SDK1: variants seen among roughly 807,000 people sequenced by gnomAD.
SDK1 encodes the protein sidekick cell adhesion molecule 1, also known as protein sidekick-1.
In SDK1, 157 loss-of-function variants were observed where a neutral mutation model predicts 245.5. That is an observed-to-expected ratio of 0.64 (90% CI 0.56 to 0.73). The LOEUF is 0.73. SDK1 is among the 30% of genes least tolerant of loss of function. SDK1 has a pLI of 0.00. For synonymous variants in SDK1, 1,647 were observed against 1,278.5 expected (o/e 1.29, Z -6.15); for missense variants, 3,583 against 3,002.3 (o/e 1.19, Z -4.52).
intron 4 of SDK1, among the ~76,000 whole-genome samples, chr7:3,648,881 C>G (rs1219992629): frequency 6.6e-6 from 1 of 152,180 alleles, no homozygotes; most frequent in African/African-American, 2.4e-5. Flanking sequence ...CCCTTTGCCT[C>G]CATTTTGCCA....
intron 4 of SDK1, among the ~76,000 whole-genome samples, chr7:3,764,984 A>G (rs1392810168): frequency 6.6e-6 from 1 of 152,178 alleles, no homozygotes; most frequent in Non-Finnish European, 1.5e-5. Flanking sequence ...TTTTTAATGA[A>G]TTATGAATCT....
chr7:3,982,798 C>A (rs1041332488), intron 13 of SDK1, among the ~76,000 whole-genome samples: 1 of 151,854 alleles, frequency 6.6e-6, no homozygotes, highest in Non-Finnish European at 1.5e-5. Context: ...TGAGATCGTG[C>A]CACTGCACTC....
intron 5 of SDK1, among the ~76,000 whole-genome samples, chr7:3,891,203 G>A (rs1781449899): frequency 6.6e-6 from 1 of 152,186 alleles, no homozygotes; most frequent in African/African-American, 2.4e-5. Context: ...CTAGTGTCCT[G>A]CTGGGCAAAT....
At chr7:4,149,718 G>A (rs1780227160) in intron 30 of SDK1, among the ~76,000 whole-genome samples, 1 of 152,160 alleles carries the variant, frequency 6.6e-6, no homozygotes, top group Non-Finnish European at 1.5e-5. Context: ...GGTCACCCCA[G>A]GACCCAGGGA....
At chr7:3,792,495 C>T (rs1562446827) in intron 4 of SDK1, among the ~76,000 whole-genome samples, 2 of 152,344 alleles carry the variant, frequency 1.3e-5, no homozygotes, top group African/African-American at 4.8e-5. Flanking sequence ...GAAAACTAAC[C>T]TGTGTCATTC....
At chr7:3,539,574 C>G (rs1242564240) in intron 1 of SDK1, among the ~76,000 whole-genome samples, 3 of 152,118 alleles carry the variant, frequency 2.0e-5, no homozygotes, top group African/African-American at 7.2e-5. Flanking sequence ...ATGGACTTGC[C>G]TGGCTCATTA....
At chr7:3,901,791 T>G (rs1021753991) in intron 5 of SDK1, among the ~76,000 whole-genome samples, 4 of 152,238 alleles carry the variant, frequency 2.6e-5, no homozygotes, top group Admixed American at 6.5e-5. Flanking sequence ...TAGGTTAGTC[T>G]TCTTCTGTAA....
At chr7:4,252,259 C>A (rs1192784755) in intron 44 of SDK1, among the ~76,000 whole-genome samples, 1 of 149,776 alleles carries the variant, frequency 6.7e-6, no homozygotes, top group Admixed American at 6.7e-5. Context: ...TTCCTGTGTC[C>A]ATGTGTGCTC....
chr7:4,228,298 A>G (rs1046051814), intron 40 of SDK1, among the ~76,000 whole-genome samples: 3 of 144,384 alleles, frequency 2.1e-5, no homozygotes, highest in South Asian at 4.4e-4. Flanking sequence ...TCGGGCAGCC[A>G]GGAATGAAAG....
In SDK1 at chr7:4,103,569, A is replaced by G. The variant is rs80105951; in HGVS notation, c.3325-7094A>G. Among the ~76,000 whole-genome samples, 286 of 152,320 alleles carry G rather than the reference A, an allele frequency of 1.9e-3. 3 individuals are homozygous for G. Among genetic ancestry groups the G allele is most frequent in the African/African-American group, 6.7e-3 (278 of 41,566 alleles). Reference sequence around the variant, plus strand: ...GCTAAGTGTAGTTACATTTTTGGTGATCATCTGTTTTGGAGCTCCGTGTAA... The same window carrying G: ...GCTAAGTGTAGTTACATTTTTGGTGGTCATCTGTTTTGGAGCTCCGTGTAA... On this transcript the variant is annotated intron_variant, in intron 22 of 44. Transcript: ENST00000404826.
chr7:4,111,424 G>A (rs566729630), intron 23 of SDK1, among the ~76,000 whole-genome samples: 2 of 152,092 alleles, frequency 1.3e-5, no homozygotes, highest in Admixed American at 6.5e-5. Context: ...CATTTCATAC[G>A]ATTGGAGAAT....
Position 3,654,924 on chromosome 7 carries a change from A to G in SDK1, c.713+12819A>G, listed in dbSNP as rs1231509500. On this transcript the variant is annotated intron_variant, in intron 4 of 44. Transcript: ENST00000404826. The stretch of plus-strand genomic sequence containing the variant: ...ATTATACATCTGAAGTCAGTTGCAC[A>G]TAATTGCAGTTCACCAACTCTACAT... 2.0e-5 allele frequency among the ~76,000 whole-genome samples: 3 copies of G among 152,226 alleles called. 1 individual carries two copies. Among genetic ancestry groups the G allele is most frequent in the Non-Finnish European group, 4.4e-5 (3 of 68,040 alleles).
At chr7:3,982,359 C>T (rs1783474648) in intron 13 of SDK1, among the ~76,000 whole-genome samples, 1 of 152,166 alleles carries the variant, frequency 6.6e-6, no homozygotes, top group South Asian at 2.1e-4. Flanking sequence ...ATGTGGGTTT[C>T]ATGCCTGCTA....
chr7:3,798,688 G>A lies in SDK1; in HGVS notation c.714-22762G>A, dbSNP rs970047863. Among the ~76,000 whole-genome samples the A allele has an allele frequency of 2.0e-5, 3 of 152,156 alleles. No individual in the cohort carries two copies. In the East Asian group the frequency reaches 5.8e-4, roughly 29 times the overall value. ...TGGTCACTCGGCTAAGGCGGTGTCA[G>A]CCAGTATTGTTCCCTTTCCACATTC... On this transcript the variant is annotated intron_variant, in intron 4 of 44. Transcript: ENST00000404826.
chr7:3,375,415 T>TTATCAGCCTGCAAGTTGGC (rs1174958564), intron 1 of SDK1, among the ~76,000 whole-genome samples: 34 of 152,286 alleles, frequency 2.2e-4, no homozygotes, highest in Middle Eastern at 3.4e-3. Context: ...AGATGGTTGG[T>TTATCAGCCTGCAAGTTGGC]TATCAGCCTG....
chr7:3,743,815 A>G (rs1157594595), intron 4 of SDK1, among the ~76,000 whole-genome samples: 1 of 152,098 alleles, frequency 6.6e-6, no homozygotes, highest in Non-Finnish European at 1.5e-5. Context: ...ATATCATTGT[A>G]TGAAAGGGCG....
intron 30 of SDK1, among the ~76,000 whole-genome samples, chr7:4,154,411 A>T (rs547698226): frequency 6.6e-6 from 1 of 152,308 alleles, no homozygotes; most frequent in African/African-American, 2.4e-5. Context: ...GTTATCTCAA[A>T]AATATCCCTA....
chr7:3,327,696 T>C (rs1174315558), intron 1 of SDK1, among the ~76,000 whole-genome samples: 1 of 152,198 alleles, frequency 6.6e-6, no homozygotes, highest in East Asian at 1.9e-4. Flanking sequence ...CTAACTCATT[T>C]AGAAGCAAAA....
intron 1 of SDK1, among the ~76,000 whole-genome samples, chr7:3,596,424 A>G (rs115310844): frequency 0.022 from 3,331 of 152,278 alleles, 132 homozygotes; most frequent in African/African-American, 0.075. Context: ...TTCTGTAACA[A>G]TGGGTAGATG....
Sources: gnomAD v4.1 joint callset for allele counts (sites outside exome capture counted in the v4.1 genomes callset) on GRCh38, gnomAD v4.1.1 for gene constraint, MANE v1.5 for transcripts, NCBI Gene and HGNC (gene_info 2026-07-23, HGNC 2026-07-21) for gene names.